Variants in RGS7 observed in about 807,000 individuals in gnomAD.
The protein encoded by RGS7 is regulator of G-protein signaling 7.
Under a neutral mutation model 81.1 loss-of-function variants are expected in RGS7, and 27 were observed. The ratio of observed to expected loss-of-function variants is 0.33; its 90% CI spans 0.25 to 0.46. The LOEUF (loss-of-function observed/expected upper bound fraction) is 0.46, where lower values mean the gene tolerates loss of function less well. Among genes scored for constraint, RGS7 ranks in the 20% least tolerant of loss-of-function variants. The probability of loss-of-function intolerance (pLI) is 1.00; values close to 1 mark genes in which losing one functional copy is unlikely to be tolerated. For missense variants in RGS7, 396 were observed against 607.4 expected, an observed-to-expected ratio of 0.65 and a Z score of 3.66; for synonymous variants, 208 against 207.7, an observed-to-expected ratio of 1.00 and a Z score of -0.01.
intron 3 of RGS7, among the ~76,000 whole-genome samples, chr1:241,095,131 C>G (rs929480862): frequency 1.3e-5 from 2 of 152,094 alleles, no homozygotes; most frequent in African/African-American, 2.4e-5. Context: ...TTGGCACAAG[C>G]AAGGTGGCCA....
chr1:241,315,863 G>T (rs2080839504), intron 2 of RGS7, among the ~76,000 whole-genome samples: 1 of 152,130 alleles, frequency 6.6e-6, no homozygotes, highest in Non-Finnish European at 1.5e-5. Flanking sequence ...TTATGTTGAA[G>T]TAAATTCTTT....
rs939684470 is a variant in RGS7 at position 241,269,954 on chromosome 1, G to A, written c.78+85745C>T. On this transcript the variant is annotated intron_variant, in intron 2 of 18. Coordinates refer to ENST00000440928, the MANE Select transcript of RGS7 (RefSeq NM_001364886.1). Reference sequence around the variant, plus strand: ...GAAATAACTGTAGCTCACTCTTCCTGAACCTCATTACTTTTGGCAGTGCCT... The same window carrying A: ...GAAATAACTGTAGCTCACTCTTCCTAAACCTCATTACTTTTGGCAGTGCCT... Among the ~76,000 whole-genome samples, 5 of 152,180 alleles carry A rather than the reference G, an allele frequency of 3.3e-5. No individual in the cohort carries two copies. In the East Asian group the frequency reaches 7.7e-4, roughly 23 times the overall value.
intron 2 of RGS7, among the ~76,000 whole-genome samples, chr1:241,191,208 T>C (rs1280699110): frequency 6.6e-6 from 1 of 152,142 alleles, no homozygotes; most frequent in Admixed American, 6.5e-5. Context: ...TCTCGATCTC[T>C]TGACCTTGTG....
At chr1:240,996,018 G>GT (rs527572328) in intron 3 of RGS7, among the ~76,000 whole-genome samples, 6,289 of 149,686 alleles carry the variant, frequency 0.042, 408 homozygotes, top group African/African-American at 0.14. Flanking sequence ...TATTTTTATT[G>GT]TTTTTTTTTT....
intron 2 of RGS7, among the ~76,000 whole-genome samples, chr1:241,119,377 G>A (rs1225020443): frequency 1.3e-5 from 2 of 152,088 alleles, no homozygotes; most frequent in Non-Finnish European, 2.9e-5. Flanking sequence ...GAATAGGAAG[G>A]GATTTTTAGT....
Position 241,271,357 on chromosome 1 carries a change from C to A in RGS7, c.78+84342G>T, listed in dbSNP as rs1356873367. On this transcript the variant is annotated intron_variant, in intron 2 of 18. Coordinates refer to ENST00000440928, the MANE Select transcript of RGS7 (RefSeq NM_001364886.1). This position sits in a 1 kb window ranked among gnomAD's most constrained non-coding sequence, Gnocchi z 4.6. ...CTGAACTGAAATTTTTATGCCTCAACATTTTTTTACAAAAGGAAATCAAAT... is the reference window on the plus strand; with the variant it reads ...CTGAACTGAAATTTTTATGCCTCAAAATTTTTTTACAAAAGGAAATCAAAT... Among the ~76,000 whole-genome samples the A allele has an allele frequency of 6.6e-6, 1 of 152,180 alleles. No homozygotes were observed. The highest frequency in any genetic ancestry group is 6.5e-5 in the Admixed American group (1 of 15,272).
chr1:241,174,823 A>G (rs1157488907), intron 2 of RGS7, among the ~76,000 whole-genome samples: 1 of 151,658 alleles, frequency 6.6e-6, no homozygotes, highest in Non-Finnish European at 1.5e-5. Flanking sequence ...AACAAACTAT[A>G]AAGCTCCTTT....
At chr1:241,250,339 A>G (rs987753420) in intron 2 of RGS7, among the ~76,000 whole-genome samples, 6 of 152,206 alleles carry the variant, frequency 3.9e-5, no homozygotes, top group African/African-American at 9.6e-5. Flanking sequence ...ACAGGGCACA[A>G]GCATTTATGG....
intron 2 of RGS7, among the ~76,000 whole-genome samples, chr1:241,309,263 G>T (rs1260630779): frequency 6.6e-6 from 1 of 151,166 alleles, no homozygotes; most frequent in Non-Finnish European, 1.5e-5. Context: ...GCAGGCGCTT[G>T]TAATCCCAGC....
Position 240,972,575 on chromosome 1 carries a change from T to C in RGS7, c.226+10504A>G, listed in dbSNP as rs575653716. 1.4e-4 allele frequency among the ~76,000 whole-genome samples: 18 copies of C among 129,470 alleles called. No homozygotes were observed. The East Asian group carries it at 3.4e-3, about 25-fold the overall frequency. The allele number at this position is 129,470 out of a possible 152,430, so 84.9% of individuals were successfully genotyped here. ...GTGGGGGGAGGGGGGAGGGATAGCA[T>C]TGGGAGATATACCTAATGCTAGATG... On this transcript the variant is annotated intron_variant, in intron 4 of 18. Coordinates refer to ENST00000440928, the MANE Select transcript of RGS7 (RefSeq NM_001364886.1).
In RGS7 at chr1:240,873,988, C is replaced by T. The variant is rs146001838; in HGVS notation, c.386-3869G>A. 9.4e-3 allele frequency among the ~76,000 whole-genome samples: 1,436 copies of T among 152,052 alleles called. 15 individuals are homozygous for T. The highest frequency in any genetic ancestry group is 0.014 in the Non-Finnish European group (961 of 68,002). ...CTCATGCTTGAGTAATTCAAAGAGT[C>T]CCAAGTTATTTGAGAGATGATTGGG... On this transcript the variant is annotated intron_variant, in intron 6 of 18. Transcript: ENST00000440928.
intron 2 of RGS7, among the ~76,000 whole-genome samples, chr1:241,294,879 T>C (rs1240917410): frequency 1.3e-5 from 2 of 152,200 alleles, no homozygotes; most frequent in Non-Finnish European, 2.9e-5. Flanking sequence ...TCTAGGTTTG[T>C]GTAAGTACAC....
At chr1:241,108,415 A>G (rs1473899358) in intron 2 of RGS7, among the ~76,000 whole-genome samples, 1 of 152,206 alleles carries the variant, frequency 6.6e-6, no homozygotes. Context: ...AAAGACAGAA[A>G]GACGGAAGTA....
intron 4 of RGS7, among the ~76,000 whole-genome samples, chr1:240,966,945 C>A (rs575753717): frequency 1.3e-5 from 2 of 152,124 alleles, no homozygotes; most frequent in Admixed American, 6.5e-5. Flanking sequence ...ACTGGTTACC[C>A]AACATGTGTG....
At chr1:241,207,945 A>T (rs10926431) in intron 2 of RGS7, among the ~76,000 whole-genome samples, 2 of 151,874 alleles carry the variant, frequency 1.3e-5, no homozygotes, top group Non-Finnish European at 2.9e-5. Flanking sequence ...TCCCTCTGTC[A>T]CCCAGGCTGG....
At chr1:241,245,667 C>A (rs1176178296) in intron 2 of RGS7, among the ~76,000 whole-genome samples, 2 of 151,234 alleles carry the variant, frequency 1.3e-5, no homozygotes, top group Admixed American at 6.6e-5. Flanking sequence ...ATTAGCCAGG[C>A]GTAGTGGCAA....
chr1:240,893,560 T>C (rs1668590130), intron 6 of RGS7, among the ~76,000 whole-genome samples: 1 of 152,082 alleles, frequency 6.6e-6, no homozygotes, highest in Admixed American at 6.6e-5. Context: ...AATGAGAGCC[T>C]TCCCTTATTA....
chr1:241,245,806 C>CA (rs1409659420), intron 2 of RGS7, among the ~76,000 whole-genome samples: 1 of 148,362 alleles, frequency 6.7e-6, no homozygotes, highest in African/African-American at 2.5e-5. Flanking sequence ...GACTCCACCT[C>CA]AAAAAACAAA....
At chr1:241,222,339 G>A (rs12040692) in intron 2 of RGS7, among the ~76,000 whole-genome samples, 39,085 of 151,910 alleles carry the variant, frequency 0.26, 5,975 homozygotes, top group East Asian at 0.59. Context: ...TCTTTACCCC[G>A]AAATTACGAT....
Sources: gnomAD v4.1 joint callset for allele counts (sites outside exome capture counted in the v4.1 genomes callset) on GRCh38, gnomAD v4.1.1 for gene constraint, Gnocchi (gnomAD v3.1) non-coding constraint, MANE v1.5 for transcripts, NCBI Gene and HGNC (gene_info 2026-07-23, HGNC 2026-07-21) for gene names.